The following BCAS3 variants were observed in gnomAD, a reference collection of about 807,000 sequenced individuals.
BCAS3 encodes BCAS3 microtubule associated cell migration factor.
In BCAS3, 53 loss-of-function variants were observed where a neutral mutation model predicts 116.1. That is an observed-to-expected ratio of 0.46 (90% CI 0.37 to 0.57). The LOEUF (loss-of-function observed/expected upper bound fraction) is 0.57, where lower values mean the gene tolerates loss of function less well. BCAS3 is among the 20% of genes least tolerant of loss of function. The probability of loss-of-function intolerance (pLI) is 0.00; values close to 1 mark genes in which losing one functional copy is unlikely to be tolerated. For missense variants in BCAS3, 917 were observed against 1,165.4 expected (o/e 0.79, Z 3.10); for synonymous variants, 391 against 408.2 (o/e 0.96, Z 0.51).
chr17:61,044,037 T>C (rs1467467206), intron 19 of BCAS3, among the ~76,000 whole-genome samples: 2 of 152,026 alleles, frequency 1.3e-5, no homozygotes, highest in Non-Finnish European at 2.9e-5. Flanking sequence ...ATATTACTTG[T>C]TTTCATTAAT....
chr17:60,919,771 A>G (rs1433207910), intron 12 of BCAS3, among the ~76,000 whole-genome samples: 2 of 152,152 alleles, frequency 1.3e-5, no homozygotes, highest in African/African-American at 2.4e-5. Flanking sequence ...AGTATATTCA[A>G]TCAATGAGCT....
intron 22 of BCAS3, among the ~76,000 whole-genome samples, chr17:61,194,316 A>G (rs1390267455): frequency 2.0e-5 from 3 of 152,186 alleles, no homozygotes; most frequent in Non-Finnish European, 4.4e-5. Flanking sequence ...AGACTTTGTC[A>G]TTGGTTAACC....
chr17:60,988,005 A>G (rs1338749895), intron 14 of BCAS3, among the ~76,000 whole-genome samples: 1 of 152,020 alleles, frequency 6.6e-6, no homozygotes, highest in Non-Finnish European at 1.5e-5. Context: ...TTCCTTCTAT[A>G]CTCAGTTTTT....
rs2083301610 is a variant in BCAS3, at chr17:61,239,446, C to A, written c.2426-128881C>A. 6.6e-6 allele frequency among the ~76,000 whole-genome samples: 1 copy of A among 152,114 alleles called. No individual in the cohort carries two copies. Among genetic ancestry groups the A allele is most frequent in the African/African-American group, 2.4e-5 (1 of 41,426 alleles). On this transcript the variant is annotated intron_variant, in intron 22 of 23. Transcript: ENST00000407086. The surrounding 1 kb of genome is among the most constrained non-coding windows in gnomAD (Gnocchi z 4.2). ...AAGCCTCTAGCAGATAGTTCTGAAA[C>A]CTTTGTGAACGCTTTCTGTAACTTA...
chr17:61,307,420 G>T lies in BCAS3; in HGVS notation c.2426-60907G>T, dbSNP rs1048943126. Reference sequence around the variant, plus strand: ...AATCTCAGAGAAGAATCTAACCCATGTTTTCTTTTTCCCATTGCATTTACT... The same window carrying T: ...AATCTCAGAGAAGAATCTAACCCATTTTTTCTTTTTCCCATTGCATTTACT... On this transcript the variant is annotated intron_variant, in intron 22 of 23. Transcript: ENST00000407086. This position sits in a 1 kb window ranked among gnomAD's most constrained non-coding sequence, Gnocchi z 4.7. 4.6e-5 allele frequency among the ~76,000 whole-genome samples: 7 copies of T among 152,210 alleles called. No homozygotes were observed. The highest frequency in any genetic ancestry group is 1.0e-4 in the Non-Finnish European group (7 of 68,034).
rs984777483 is a variant in BCAS3 at position 61,118,732 on chromosome 17, A to G, written c.2425+34168A>G. On this transcript the variant is annotated intron_variant, in intron 22 of 23. Transcript: ENST00000407086. The surrounding 1 kb of genome is among the most constrained non-coding windows in gnomAD (Gnocchi z 5.0). ...ACACATTCCTGTTTTTTTTGGCAAGAGAGAGCAGCCTTTTGTTGTGACAAA... is the reference window on the plus strand; with the variant it reads ...ACACATTCCTGTTTTTTTTGGCAAGGGAGAGCAGCCTTTTGTTGTGACAAA... Among the ~76,000 whole-genome samples the G allele has an allele frequency of 3.3e-5, 5 of 152,160 alleles. No homozygotes were observed. Among genetic ancestry groups the G allele is most frequent in the Admixed American group, 2.0e-4 (3 of 15,282 alleles).
At chr17:60,834,706 A>G (rs537394802) in intron 7 of BCAS3, among the ~76,000 whole-genome samples, 1 of 151,954 alleles carries the variant, frequency 6.6e-6, no homozygotes, top group Non-Finnish European at 1.5e-5. Flanking sequence ...TCCTCATTTC[A>G]AGTACCCCAT....
At chr17:60,974,455 GT>G (rs1555643024) in intron 14 of BCAS3, among the ~76,000 whole-genome samples, 1 of 151,956 alleles carries the variant, frequency 6.6e-6, no homozygotes, top group Non-Finnish European at 1.5e-5. Context: ...TTAGATATTG[GT>G]TTCCCCAAAT....
At chr17:61,225,378 C>T (rs923956122) in intron 22 of BCAS3, among the ~76,000 whole-genome samples, 3 of 152,018 alleles carry the variant, frequency 2.0e-5, no homozygotes, top group Non-Finnish European at 2.9e-5. Flanking sequence ...TGGTTTTAGC[C>T]GGTGGATACT....
At chr17:60,678,088 C>T (rs1597975597) in intron 1 of BCAS3, among the ~76,000 whole-genome samples, 174 bp downstream of exon 1, 1 of 152,066 alleles carries the variant, frequency 6.6e-6, no homozygotes, top group Non-Finnish European at 1.5e-5. Flanking sequence ...GCGGTGGCTC[C>T]GTGTTGGAGG....
chr17:60,712,005 T>TA (rs1197943355), intron 5 of BCAS3, among the ~76,000 whole-genome samples: 8 of 148,556 alleles, frequency 5.4e-5, no homozygotes, highest in South Asian at 2.1e-4. Context: ...CTACTAAAAA[T>TA]AAAAAAAAAA....
At chr17:61,184,228 G>A (rs1427585722) in intron 22 of BCAS3, among the ~76,000 whole-genome samples, 1 of 152,090 alleles carries the variant, frequency 6.6e-6, no homozygotes, top group Admixed American at 6.6e-5. Context: ...CTTGAATAAT[G>A]AGAATAGATT....
intron 4 of BCAS3, among the ~76,000 whole-genome samples, chr17:60,702,886 C>T (rs1331782824): frequency 1.3e-5 from 2 of 152,142 alleles, no homozygotes; most frequent in African/African-American, 4.8e-5. Flanking sequence ...CCACCATGCT[C>T]AGTCCAAGGA....
chr17:60,819,683 C>T (rs1431055475), intron 7 of BCAS3, among the ~76,000 whole-genome samples: 1 of 152,148 alleles, frequency 6.6e-6, no homozygotes. Context: ...TAAAATAACA[C>T]ATGTGGGAGC....
intron 22 of BCAS3, among the ~76,000 whole-genome samples, chr17:61,192,900 G>A (rs905337639): frequency 2.0e-5 from 3 of 152,194 alleles, no homozygotes; most frequent in Admixed American, 6.5e-5. Flanking sequence ...GTTGTTCGCT[G>A]GCAATTAAAG....
intron 19 of BCAS3, among the ~76,000 whole-genome samples, chr17:61,047,330 C>T (rs975038661): frequency 2.0e-5 from 3 of 151,840 alleles, no homozygotes; most frequent in South Asian, 2.1e-4. Flanking sequence ...TTAGGTGGAA[C>T]GATATGAAAT....
At chr17:61,094,059 G>A (rs1266512417) in intron 22 of BCAS3, among the ~76,000 whole-genome samples, 2 of 152,182 alleles carry the variant, frequency 1.3e-5, no homozygotes, top group Admixed American at 6.5e-5. Context: ...TATAGATGGT[G>A]CAGAAGCAAT....
chr17:60,868,717 T>G (rs2054846647), intron 8 of BCAS3, 34 bp downstream of exon 8: 5 of 1,325,198 alleles, frequency 3.8e-6, no homozygotes, highest in Non-Finnish European at 5.3e-6. Flanking sequence ...TTGTGTAAAA[T>G]AAGAAACATG....
At position 61,144,172 on chromosome 17, in the gene BCAS3, G is replaced by T. The variant is rs933296991; in HGVS notation, c.2425+59608G>T. On this transcript the variant is annotated intron_variant, in intron 22 of 23. Transcript: ENST00000407086. The surrounding 1 kb of genome is among the most constrained non-coding windows in gnomAD (Gnocchi z 5.0). Reference sequence around the variant, plus strand: ...TTTGCCACTGGTAAACTCCTGCCTAGAGGAATGCCAGAGGCAGAATAAATT... The same window carrying T: ...TTTGCCACTGGTAAACTCCTGCCTATAGGAATGCCAGAGGCAGAATAAATT... 2.6e-5 allele frequency among the ~76,000 whole-genome samples: 4 copies of T among 152,032 alleles called. No homozygotes were observed. Among genetic ancestry groups the T allele is most frequent in the Non-Finnish European group, 4.4e-5 (3 of 68,008 alleles).
Sources: allele counts gnomAD v4.1 joint callset (sites outside exome capture counted in the v4.1 genomes callset), GRCh38; gene constraint gnomAD v4.1.1; non-coding constraint Gnocchi (gnomAD v3.1); transcripts MANE v1.5; gene names NCBI Gene and HGNC (gene_info 2026-07-23, HGNC 2026-07-21).